MIER3: variants seen among roughly 807,000 people sequenced by gnomAD.
The protein encoded by MIER3 is mesoderm induction early response protein 3.
A neutral mutation model predicts 63.2 loss-of-function variants in MIER3; 9 were observed. The observed-to-expected ratio is 0.14, with a 90% CI of 0.09 to 0.25. The LOEUF (loss-of-function observed/expected upper bound fraction) is 0.25. Among genes scored for constraint, MIER3 ranks in the 10% least tolerant of loss-of-function variants. The pLI is 1.00. For missense variants in MIER3, 512 were observed against 666.2 expected, an observed-to-expected ratio of 0.77 and a Z score of 2.55; for synonymous variants, 205 against 224.9, an observed-to-expected ratio of 0.91 and a Z score of 0.79.
At chr5:56,948,300 T>C (rs1034533854) in intron 2 of MIER3, among the ~76,000 whole-genome samples, 2 of 152,240 alleles carry the variant, frequency 1.3e-5, no homozygotes, top group African/African-American at 4.8e-5. Context: ...GTTTACATTA[T>C]GTTATCTTCC....
chr5:56,923,663 A>C lies in MIER3; in HGVS notation c.1195+28T>G, dbSNP rs199807525. The C allele has an allele frequency of 3.7e-6, 6 of 1,614,132 alleles. No homozygotes were observed. In the East Asian group the frequency reaches 1.3e-4, roughly 36 times the overall value. ...AGGACACAATTTTGCAACAAACTGT[A>C]CTAAATGCAGAAAGGTCTTCATTTT... On this transcript the variant is annotated intron_variant, in intron 12 of 12. Transcript: ENST00000381199.
chr5:56,923,188 C>T lies in MIER3; in HGVS notation c.1593G>A (p.Glu531=). 1 of 1,614,012 alleles carries T rather than the reference C, an allele frequency of 6.2e-7. No homozygotes were observed. The highest frequency in any genetic ancestry group is 8.5e-7 in the Non-Finnish European group (1 of 1,179,988). ...CATGGGCACTGATGAAACCATTGGT[C>T]TCGTTGGCAGAGAGACTGCCAAAGT... ...VADFGSLSAN[E]TNGFISAHAL... The change falls in exon 13 of 13, where the codon GAG becomes GAA. Residue 531 remains glutamate, a synonymous_variant. Coordinates refer to ENST00000381199, the MANE Select transcript of MIER3 (RefSeq NM_001297599.2).
At chr5:56,934,408 A>C (rs9292127) in intron 7 of MIER3, among the ~76,000 whole-genome samples, 3,299 of 152,322 alleles carry the variant, frequency 0.022, 127 homozygotes, top group African/African-American at 0.076. Context: ...TTCCCTCAAA[A>C]GACAGAGAAA....
chr5:56,932,876 T>C (rs977217022), intron 8 of MIER3, among the ~76,000 whole-genome samples: 1 of 151,998 alleles, frequency 6.6e-6, no homozygotes, highest in Non-Finnish European at 1.5e-5. Flanking sequence ...AAGTACACAG[T>C]ATGTTGAAAT....
intron 3 of MIER3, among the ~76,000 whole-genome samples, chr5:56,943,933 A>G (rs1022024377): frequency 2.0e-5 from 3 of 152,178 alleles, no homozygotes; most frequent in Non-Finnish European, 2.9e-5. Context: ...CACACTTATA[A>G]ATGAACTGTT....
At chr5:56,934,133 G>C (rs916416635) in intron 7 of MIER3, among the ~76,000 whole-genome samples, 1 of 152,096 alleles carries the variant, frequency 6.6e-6, no homozygotes, top group South Asian at 2.1e-4. Context: ...AGTGCTTCAA[G>C]TGCAATCTGT....
chr5:56,949,060 T>C (rs1750926042), intron 2 of MIER3, among the ~76,000 whole-genome samples: 1 of 152,222 alleles, frequency 6.6e-6, no homozygotes, highest in South Asian at 2.1e-4. Flanking sequence ...CAAAAGTCCC[T>C]TCCAACTCTA....
intron 6 of MIER3, 75 bp from the exon 7 acceptor site, chr5:56,935,575 G>C: frequency 6.6e-7 from 1 of 1,506,122 alleles, no homozygotes; most frequent in South Asian, 1.2e-5. Flanking sequence ...TCATTAATCA[G>C]TTTCTACAAG....
chr5:56,929,665 C>G (rs1318363076), intron 9 of MIER3: 1 of 152,156 alleles, frequency 6.6e-6, no homozygotes, highest in Non-Finnish European at 1.5e-5. Context: ...GAGTGCTATA[C>G]TCTGGAAATA....
intron 2 of MIER3, among the ~76,000 whole-genome samples, chr5:56,949,662 AG>A (rs1304715492): frequency 2.6e-5 from 4 of 152,246 alleles, no homozygotes; most frequent in Non-Finnish European, 5.9e-5. Context: ...AGATACAAAA[AG>A]TAATAGTGTA....
At chr5:56,950,935 C>G (rs1417788681) in intron 1 of MIER3, among the ~76,000 whole-genome samples, 5 of 152,116 alleles carry the variant, frequency 3.3e-5, no homozygotes, top group Non-Finnish European at 5.9e-5. Context: ...AGTTTCCAAG[C>G]AGAGAAGCAA....
At chr5:56,945,614 T>G (rs1328225266) in intron 3 of MIER3, among the ~76,000 whole-genome samples, 3 of 152,212 alleles carry the variant, frequency 2.0e-5, no homozygotes, top group Non-Finnish European at 4.4e-5. Context: ...ATACTCAAAG[T>G]GCTACTACGA....
At chr5:56,949,920 T>G (rs771417195) in intron 2 of MIER3, among the ~76,000 whole-genome samples, 1 of 152,198 alleles carries the variant, frequency 6.6e-6, no homozygotes, top group Non-Finnish European at 1.5e-5. Flanking sequence ...AAGGTCCTTA[T>G]GGACCTGCTA....
At position 56,923,434 on chromosome 5, in the gene MIER3, T is replaced by G. The variant is rs1749778755; in HGVS notation, c.1347A>C (p.Glu449Asp). ...EELLTLPSNG[E>D]SDCFNLFETG... is the part of the protein sequence containing the mutation. ...TCTCAAATAAATTAAAACAATCACT[T>G]TCCCCATTGCTGGGCAGGGTGAGTA... Residue 449 changes from glutamate to aspartate, a missense_variant, in exon 13 of 13, where the codon GAA (glutamate) becomes GAC (aspartate). This residue lies in a region of MIER3 where 218 missense variants were observed against 251.2 expected (regional missense o/e 0.87). Coordinates refer to ENST00000381199, the MANE Select transcript of MIER3 (RefSeq NM_001297599.2). 7 of 1,614,170 alleles carry G rather than the reference T, an allele frequency of 4.3e-6. No individual in the cohort carries two copies. The South Asian group carries it at 6.6e-5, about 15-fold the overall frequency.
intron 3 of MIER3, among the ~76,000 whole-genome samples, chr5:56,946,600 G>T (rs1242120777): frequency 6.6e-6 from 1 of 152,096 alleles, no homozygotes; most frequent in Non-Finnish European, 1.5e-5. Flanking sequence ...ACCCTTAGCA[G>T]AATAGTAGTT....
upstream of MIER3, chr5:56,952,173 C>G: frequency 8.8e-7 from 1 of 1,133,178 alleles, no homozygotes. Context: ...CCAATCGCAG[C>G]CGCCGCCGCC....
Position 56,944,152 on chromosome 5 carries a change from G to A in MIER3, c.180+2774C>T, listed in dbSNP as rs117006549. 0.026 allele frequency among the ~76,000 whole-genome samples: 4,009 copies of A among 152,182 alleles called. 455 individuals carry two copies. The East Asian group carries it at 0.33, about 13-fold the overall frequency. ...TAAAGTGCAAACTTCATATACAAGC[G>A]TTCCTCCACCACCTGCACTGTTTAG... On this transcript the variant is annotated intron_variant, in intron 3 of 12. Transcript: ENST00000381199.
At chr5:56,951,322 G>A (rs1042802139) in intron 1 of MIER3, among the ~76,000 whole-genome samples, 9 of 152,084 alleles carry the variant, frequency 5.9e-5, no homozygotes, top group African/African-American at 1.2e-4. Flanking sequence ...CAGCCCAGGG[G>A]CTCCTGCCAC....
intron 3 of MIER3, among the ~76,000 whole-genome samples, chr5:56,944,959 A>G (rs968178092): frequency 1.3e-5 from 2 of 152,082 alleles, no homozygotes; most frequent in Admixed American, 1.3e-4. Context: ...AGCCTCCCAA[A>G]GTGTTGAGAT....
Sources: allele counts gnomAD v4.1 joint callset (sites outside exome capture counted in the v4.1 genomes callset), GRCh38; gene constraint gnomAD v4.1.1; regional missense constraint gnomAD v4.1.1; transcripts MANE v1.5; gene names NCBI Gene and HGNC (gene_info 2026-07-23, HGNC 2026-07-21).